Variants in DGKI observed in about 807,000 individuals in gnomAD.
DGKI encodes DAG kinase iota.
DGKI carries 55 observed loss-of-function variants against 147.5 expected under a neutral mutation model. That is an observed-to-expected ratio of 0.37 (90% CI 0.30 to 0.47). DGKI has a LOEUF of 0.47. Among genes scored for constraint, DGKI ranks in the 20% least tolerant of loss-of-function variants. DGKI has a pLI of 1.00. For missense variants in DGKI, 1,007 were observed against 1,323.8 expected, an observed-to-expected ratio of 0.76 and a Z score of 3.71; for synonymous variants, 469 against 477.1, an observed-to-expected ratio of 0.98 and a Z score of 0.22.
intron 3 of DGKI, among the ~76,000 whole-genome samples, chr7:137,661,380 G>A (rs929474331): frequency 2.0e-5 from 3 of 152,120 alleles, no homozygotes; most frequent in African/African-American, 4.8e-5. Flanking sequence ...CACCAGCTAT[G>A]AGGCCACAGT....
rs768170353 is a variant in DGKI at position 137,391,001 on chromosome 7, C to G, written c.*219G>C. ...AATTTTGTGGAACTCGTACTGTATT[C>G]CACAAATCTCCAGGTATCCTGCCTC... is the stretch of plus-strand genomic sequence containing the variant. On this transcript the variant is annotated 3_prime_UTR_variant, in exon 33 of 33. Transcript: ENST00000614521. 3.6e-6 allele frequency: 2 copies of G among 556,714 alleles called. No individual in the cohort carries two copies. Among genetic ancestry groups the G allele is most frequent in the Non-Finnish European group, 3.2e-6 (1 of 313,652 alleles). The allele number at this position is 556,714 out of a possible 1,614,324, so 34.5% of individuals were successfully genotyped here.
intron 21 of DGKI, among the ~76,000 whole-genome samples, chr7:137,490,447 G>T (rs1465655116): frequency 6.6e-6 from 1 of 152,072 alleles, no homozygotes; most frequent in Non-Finnish European, 1.5e-5. Context: ...TCTTTAGCCA[G>T]AAAACAGACA....
intron 23 of DGKI, among the ~76,000 whole-genome samples, chr7:137,474,480 A>C (rs2128930731): frequency 6.6e-6 from 1 of 152,328 alleles, no homozygotes; most frequent in South Asian, 2.1e-4. Flanking sequence ...CAAAGATCCA[A>C]GACAGAATAG....
chr7:137,598,337 G>A (rs989816944), intron 11 of DGKI, among the ~76,000 whole-genome samples: 12 of 151,908 alleles, frequency 7.9e-5, no homozygotes, highest in African/African-American at 2.9e-4. Flanking sequence ...AGTTTTCCCT[G>A]GATGTATTTA....
At chr7:137,612,228 T>G (rs1333324162) in intron 8 of DGKI, among the ~76,000 whole-genome samples, 1 of 150,612 alleles carries the variant, frequency 6.6e-6, no homozygotes, top group African/African-American at 2.5e-5. Flanking sequence ...GGGCTTTTTT[T>G]TTTTTTTTTT....
chr7:137,396,167 T>C (rs1414089177), intron 31 of DGKI, among the ~76,000 whole-genome samples: 1 of 152,092 alleles, frequency 6.6e-6, no homozygotes, highest in African/African-American at 2.4e-5. Flanking sequence ...TGCAGTGGAG[T>C]ATCTCCTGAG....
rs142423855 is a variant in DGKI at position 137,585,557 on chromosome 7, G to A, written c.1426-211C>T. On this transcript the variant is annotated intron_variant, in intron 13 of 32. Coordinates refer to ENST00000614521, the MANE Select transcript of DGKI (RefSeq NM_001321708.2). ...ACACTAGTTCTGGCTGGTTTGAGCT[G>A]AGGAATATTTTTTGTCAGCAGCAAG... Among the ~76,000 whole-genome samples, 28 of 152,302 alleles carry A rather than the reference G, an allele frequency of 1.8e-4. 1 individual carries two copies. In the East Asian group the frequency reaches 4.6e-3, roughly 25 times the overall value.
chr7:137,502,926 G>T (rs1342949308), intron 21 of DGKI, among the ~76,000 whole-genome samples: 1 of 152,094 alleles, frequency 6.6e-6, no homozygotes, highest in African/African-American at 2.4e-5. Flanking sequence ...GGACTCACGA[G>T]TCCCATATGT....
intron 13 of DGKI, 36 bp from the exon 14 acceptor site, chr7:137,585,382 A>C: frequency 1.3e-6 from 2 of 1,597,806 alleles, no homozygotes; most frequent in Non-Finnish European, 1.7e-6. Context: ...TGCTGTCCAG[A>C]GTGGAGAACA....
At chr7:137,629,848 A>T (rs569661700) in intron 6 of DGKI, among the ~76,000 whole-genome samples, 42 of 152,302 alleles carry the variant, frequency 2.8e-4, no homozygotes, top group African/African-American at 8.9e-4. Flanking sequence ...GGCTGGTTTG[A>T]TAATATGCCT....
At chr7:137,705,949 A>C (rs1282490444) in intron 1 of DGKI, among the ~76,000 whole-genome samples, 1 of 152,096 alleles carries the variant, frequency 6.6e-6, no homozygotes, top group Non-Finnish European at 1.5e-5. Context: ...ATGAGCCCAC[A>C]AAACAATCAT....
In DGKI at chr7:137,609,024, G is replaced by A. The variant is rs780301576; in HGVS notation, c.1109C>T (p.Ser370Phe). The A allele has an allele frequency of 1.2e-6, 2 of 1,613,690 alleles. No homozygotes were observed. Among genetic ancestry groups the A allele is most frequent in the East Asian group, 4.5e-5 (2 of 44,890 alleles). Residue 370 changes from serine (S) to phenylalanine (F), a missense_variant, in exon 10 of 33, where the codon TCT (serine) becomes TTT (phenylalanine). Physicochemically the swap from Ser to Phe is radical, Grantham distance 155 (BLOSUM62 -2). Coordinates refer to ENST00000614521, the MANE Select transcript of DGKI (RefSeq NM_001321708.2). ...AAGCAAGGGTTTCATGAGAGGAGAA[G>A]AGATGGGTTTTATCACAAAAGGACG... ...KGRPFVIKPISSPLMKPLLVF... is the reference protein window; with the variant it reads ...KGRPFVIKPIFSPLMKPLLVF...
intron 2 of DGKI, among the ~76,000 whole-genome samples, chr7:137,682,780 C>T (rs532803175): frequency 1.3e-5 from 2 of 152,302 alleles, no homozygotes; most frequent in South Asian, 4.1e-4. Context: ...CTCCCACATA[C>T]ATTCCTCCAT....
chr7:137,414,391 T>G (rs759173376), intron 28 of DGKI, among the ~76,000 whole-genome samples: 1 of 152,214 alleles, frequency 6.6e-6, no homozygotes, highest in Non-Finnish European at 1.5e-5. Context: ...GCATCCTCTT[T>G]GCATTCCCCT....
intron 1 of DGKI, among the ~76,000 whole-genome samples, chr7:137,751,741 T>C (rs1266427530): frequency 6.6e-6 from 1 of 152,204 alleles, no homozygotes; most frequent in African/African-American, 2.4e-5. Context: ...ACTACTTTCC[T>C]GTGCTATTGT....
At chr7:137,762,135 C>CA (rs1168079463) in intron 1 of DGKI, among the ~76,000 whole-genome samples, 1 of 152,204 alleles carries the variant, frequency 6.6e-6, no homozygotes, top group Non-Finnish European at 1.5e-5. Context: ...GTAGCCAGAA[C>CA]AGCCCACTTT....
At chr7:137,471,185 C>G (rs573741954) in intron 23 of DGKI, among the ~76,000 whole-genome samples, 3 of 152,196 alleles carry the variant, frequency 2.0e-5, no homozygotes, top group Admixed American at 1.3e-4. Flanking sequence ...AAATCACTGA[C>G]AGAAATGGGA....
chr7:137,693,942 T>A (rs1416029650), intron 1 of DGKI, among the ~76,000 whole-genome samples: 1 of 152,256 alleles, frequency 6.6e-6, no homozygotes, highest in Admixed American at 6.5e-5. Flanking sequence ...TTTGCCACAT[T>A]CGTAAAGGGC....
chr7:137,614,140 A>T (rs1325150756), intron 8 of DGKI, among the ~76,000 whole-genome samples: 1 of 152,162 alleles, frequency 6.6e-6, no homozygotes, highest in Non-Finnish European at 1.5e-5. Flanking sequence ...GTTCCCACTC[A>T]GTACTATGAA....
Sources: allele counts gnomAD v4.1 joint callset (sites outside exome capture counted in the v4.1 genomes callset), GRCh38; gene constraint gnomAD v4.1.1; transcripts MANE v1.5; gene names NCBI Gene and HGNC (gene_info 2026-07-23, HGNC 2026-07-21).